Variants in WNK1 observed in about 807,000 individuals in gnomAD.
WNK1 encodes the protein serine/threonine-protein kinase WNK1.
A neutral mutation model predicts 222.8 loss-of-function variants in WNK1; 38 were observed. The observed-to-expected ratio is 0.17, with a 90% confidence interval of 0.13 to 0.22. WNK1 has a LOEUF of 0.22. Ranked by LOEUF, WNK1 falls within the 10% of genes least tolerant of loss-of-function variation. WNK1 has a pLI of 1.00. For synonymous variants in WNK1, 1,090 were observed against 1,092.9 expected (o/e 1.00, Z 0.05); for missense variants, 2,348 against 2,918.4 (o/e 0.80, Z 4.50).
At chr12:903,538 G>A (rs1955448319) in intron 26 of WNK1, among the ~76,000 whole-genome samples, 1 of 152,180 alleles carries the variant, frequency 6.6e-6, no homozygotes. Context: ...TTCTGTTTCT[G>A]AAATATAATG....
chr12:878,678 C>T (rs937953766), intron 10 of WNK1, among the ~76,000 whole-genome samples: 1 of 151,942 alleles, frequency 6.6e-6, no homozygotes, highest in Non-Finnish European at 1.5e-5. Flanking sequence ...GCTCTGGTAA[C>T]TGAACCTATG....
intron 6 of WNK1, among the ~76,000 whole-genome samples, chr12:859,828 G>C (rs1004563076): frequency 6.6e-6 from 1 of 151,306 alleles, no homozygotes; most frequent in South Asian, 2.1e-4. Context: ...CAATCCTTCT[G>C]CCTTAGCCTG....
In WNK1 at chr12:754,646, C is replaced by T. The variant is rs555810187; in HGVS notation, c.759+322C>T. ...AGTGGGGAAGTTGAAAGTACAGATG[C>T]TTCTTCTTCTGTGCATTTCAATCTC... On this transcript the variant is annotated intron_variant, in intron 1 of 27. Transcript: ENST00000315939. Among the ~76,000 whole-genome samples, 13 of 152,142 alleles carry T rather than the reference C, an allele frequency of 8.5e-5. No individual in the cohort carries two copies. The South Asian group carries it at 2.3e-3, about 27-fold the overall frequency.
chr12:874,679 T>A (rs187381489), intron 9 of WNK1, among the ~76,000 whole-genome samples: 1 of 152,332 alleles, frequency 6.6e-6, no homozygotes, highest in East Asian at 1.9e-4. Context: ...TAAAGTGCTT[T>A]GTACATTGTA....
chr12:823,171 T>C (rs1948046783), intron 2 of WNK1, among the ~76,000 whole-genome samples: 1 of 152,214 alleles, frequency 6.6e-6, no homozygotes, highest in Non-Finnish European at 1.5e-5. Context: ...GAGGATCCCA[T>C]GGTCATAAGT....
chr12:871,246 G>A lies in WNK1; in HGVS notation c.2140-19G>A. On this transcript the variant is annotated intron_variant, in intron 8 of 27. Coordinates refer to ENST00000315939, the MANE Select transcript of WNK1 (RefSeq NM_018979.4). ...CTTTAGGCCTTCTCTAATTTGTTGT[G>A]TTCACTTCTTTCCTTCAGGCACAGG... The A allele has an allele frequency of 6.2e-7, 1 of 1,612,906 alleles. No homozygotes were observed.
chr12:852,260 T>G (rs1368588472), intron 4 of WNK1, among the ~76,000 whole-genome samples: 1 of 152,220 alleles, frequency 6.6e-6, no homozygotes, highest in African/African-American at 2.4e-5. Flanking sequence ...AACATAAAAT[T>G]TGATAAACAT....
At chr12:839,180 T>C (rs1411393859) in intron 4 of WNK1, among the ~76,000 whole-genome samples, 1 of 152,172 alleles carries the variant, frequency 6.6e-6, no homozygotes, top group Admixed American at 6.5e-5. Flanking sequence ...GATAGTGTTA[T>C]ATATGAAGAT....
rs1265974747 is a variant in WNK1, at chr12:869,327, T to G, written c.2140-1938T>G. The stretch of plus-strand genomic sequence containing the variant: ...TTTACCTATTATATGTGAAAACCAG[T>G]GGAAAAAACACAAAAACTAGAATTT... On this transcript the variant is annotated intron_variant, in intron 8 of 27. Coordinates refer to ENST00000315939, the MANE Select transcript of WNK1 (RefSeq NM_018979.4). 77 of 612,754 alleles carry G rather than the reference T, an allele frequency of 1.3e-4. No homozygotes were observed. In the Admixed American group the frequency reaches 2.3e-3, roughly 18 times the overall value. 38.0% of individuals were successfully genotyped at this position (612,754 alleles called of 1,614,324 possible).
chr12:755,385 TATCC>T (rs1939844927), intron 1 of WNK1, among the ~76,000 whole-genome samples: 1 of 152,236 alleles, frequency 6.6e-6, no homozygotes, highest in Non-Finnish European at 1.5e-5. Flanking sequence ...GAACTTATTT[TATCC>T]ATGAACTAAT....
chr12:890,312 T>A, intron 21 of WNK1, 141 bp from the exon 22 acceptor site: 1 of 884,334 alleles, frequency 1.1e-6, no homozygotes, highest in Admixed American at 2.1e-5. Context: ...GGAAAGAAGA[T>A]AAAATGTTCT....
chr12:856,741 A>C (rs1022148747), intron 4 of WNK1, among the ~76,000 whole-genome samples: 1 of 152,228 alleles, frequency 6.6e-6, no homozygotes, highest in Admixed American at 6.5e-5. Flanking sequence ...CAAACTAAGC[A>C]TGTGAATTCA....
intron 1 of WNK1, among the ~76,000 whole-genome samples, chr12:756,494 A>G (rs1167646861): frequency 1.3e-5 from 2 of 152,192 alleles, no homozygotes; most frequent in Non-Finnish European, 2.9e-5. Context: ...TTTTTGAGTC[A>G]TTTCAGGATT....
intron 26 of WNK1, chr12:906,526 A>G (rs1955713569): frequency 1.0e-6 from 1 of 985,166 alleles, no homozygotes; most frequent in Non-Finnish European, 1.2e-6. Flanking sequence ...GAGCCAATTG[A>G]AACTGAGGTC....
chr12:894,990 A>G lies in WNK1; in HGVS notation c.5583+355A>G, dbSNP rs12313976. Among the ~76,000 whole-genome samples, 1,133 of 152,200 alleles carry G rather than the reference A, an allele frequency of 7.4e-3. 11 individuals carry two copies. The highest frequency in any genetic ancestry group is 0.026 in the African/African-American group (1,077 of 41,524). On this transcript the variant is annotated intron_variant, in intron 23 of 27. Coordinates refer to ENST00000315939, the MANE Select transcript of WNK1 (RefSeq NM_018979.4). The stretch of plus-strand genomic sequence containing the variant: ...GTTACAGCTTTTTTTCCCATCCAGT[A>G]ATTGGTTTACCTAACCAGTCTCTAT...
chr12:758,035 T>TA (rs71051381), intron 1 of WNK1, among the ~76,000 whole-genome samples: 9,831 of 116,054 alleles, frequency 0.085, 714 homozygotes, highest in African/African-American at 0.14. Context: ...ACTCTGTCTC[T>TA]AAAAAAAAAA....
chr12:857,181 T>C lies in WNK1; in HGVS notation c.1332T>C (p.Phe444=). ...TTCAGGGGGTGAAGCCAGCCAGTTT[T>C]GACAAAGTAGCAATTCCTGAAGTGA... ...RVTSGVKPAS[F]DKVAIPEVKE... Residue 444 remains phenylalanine (F), a synonymous_variant, in exon 5 of 28, where the codon TTT becomes TTC. Transcript: ENST00000315939. The C allele has an allele frequency of 6.2e-7, 1 of 1,614,204 alleles. No homozygotes were observed. The highest frequency in any genetic ancestry group is 2.2e-5 in the East Asian group (1 of 44,874).
chr12:864,791 C>T (rs1592076610), intron 8 of WNK1, among the ~76,000 whole-genome samples: 1 of 152,302 alleles, frequency 6.6e-6, no homozygotes, highest in South Asian at 2.1e-4. Flanking sequence ...CTGCACCCTT[C>T]AGTCAGTTGG....
In WNK1 at chr12:883,123, G is replaced by A; in HGVS notation, c.3489+64G>A. On this transcript the variant is annotated intron_variant, in intron 15 of 27. Transcript: ENST00000315939. The stretch of plus-strand genomic sequence containing the variant: ...CTTGATCTTAATAGCCATTGCTCTA[G>A]GCAAATATGCCATATTTTATAATCC... 2.6e-6 allele frequency: 3 copies of A among 1,174,950 alleles called. No homozygotes were observed. In the South Asian group the frequency reaches 3.6e-5, roughly 14 times the overall value. 72.8% of individuals were successfully genotyped at this position (1,174,950 alleles called of 1,614,324 possible).
Sources: gnomAD v4.1 joint callset for allele counts (sites outside exome capture counted in the v4.1 genomes callset) on GRCh38, gnomAD v4.1.1 for gene constraint, MANE v1.5 for transcripts, NCBI Gene and HGNC (gene_info 2026-07-23, HGNC 2026-07-21) for gene names.